Variants in TM9SF2 observed in about 807,000 individuals in gnomAD.
TM9SF2 encodes the protein transmembrane 9 superfamily member 2.
TM9SF2 carries 13 observed loss-of-function variants against 84.9 expected under a neutral mutation model. The observed-to-expected ratio is 0.15, with a 90% CI of 0.10 to 0.24. The LOEUF is 0.24. Among genes scored for constraint, TM9SF2 ranks in the 10% least tolerant of loss-of-function variants. TM9SF2 has a pLI of 1.00. For missense variants in TM9SF2, 562 were observed against 818.5 expected (o/e 0.69, Z 3.82); for synonymous variants, 273 against 285.8 (o/e 0.96, Z 0.45).
intron 3 of TM9SF2, among the ~76,000 whole-genome samples, chr13:99,528,738 A>G (rs2046194988): frequency 2.0e-5 from 3 of 152,212 alleles, no homozygotes; most frequent in South Asian, 4.1e-4. Flanking sequence ...GAATGAAAAC[A>G]TTGGCTGACA....
intron 10 of TM9SF2, among the ~76,000 whole-genome samples, chr13:99,546,567 G>T (rs1160243356): frequency 2.8e-5 from 4 of 142,210 alleles, no homozygotes; most frequent in Admixed American, 7.0e-5. Context: ...AAGGTTTTGG[G>T]TTTTTTTTTT....
intron 7 of TM9SF2, among the ~76,000 whole-genome samples, chr13:99,540,266 C>T (rs1463786638): frequency 6.6e-6 from 1 of 151,736 alleles, no homozygotes; most frequent in Admixed American, 6.6e-5. Context: ...TTTCATTTTG[C>T]AAACCTGGTG....
At chr13:99,517,565 C>A in intron 1 of TM9SF2, 49 bp from the exon 2 acceptor site, 2 of 1,259,400 alleles carry the variant, frequency 1.6e-6, no homozygotes, top group East Asian at 2.5e-5. Context: ...TGACTTAAGG[C>A]TTTGTGTCCT....
chr13:99,558,504 C>G (rs1461435257), intron 15 of TM9SF2, among the ~76,000 whole-genome samples: 2 of 152,202 alleles, frequency 1.3e-5, no homozygotes, highest in African/African-American at 4.8e-5. Flanking sequence ...TCATTTCTTT[C>G]AGCAGAATTT....
intron 1 of TM9SF2, among the ~76,000 whole-genome samples, chr13:99,504,646 T>C (rs892300793): frequency 2.6e-5 from 4 of 152,372 alleles, no homozygotes; most frequent in African/African-American, 9.6e-5. Flanking sequence ...TATCTTATGT[T>C]GAATTTACTG....
intron 16 of TM9SF2, among the ~76,000 whole-genome samples, chr13:99,560,223 G>T (rs1017421684): frequency 1.3e-5 from 2 of 152,130 alleles, no homozygotes; most frequent in Non-Finnish European, 1.5e-5. Context: ...AGCTCCTCAC[G>T]CATGTCATGG....
chr13:99,554,434 T>A lies in TM9SF2; in HGVS notation c.1619T>A (p.Phe540Tyr). Residue 540 changes from phenylalanine (F) to tyrosine (Y), a missense_variant, in exon 14 of 17, where the codon TTC becomes TAC. Phe to Tyr is a conservative substitution (Grantham distance 22, BLOSUM62 3). Around this residue, in one of 4 missense-constraint regions of TM9SF2, gnomAD observed 13 missense variants for 54.6 expected, o/e 0.24. Transcript: ENST00000376387. ...TTTGGCTGCATCTTTATACAACTTT[T>A]CTTCATTCTGAATAGTATTTGGTAA... is the stretch of plus-strand genomic sequence containing the variant. ...LPFGCIFIQL[F>Y]FILNSIWSHQ... The A allele has an allele frequency of 6.2e-7, 1 of 1,614,166 alleles. No individual in the cohort carries two copies. Among genetic ancestry groups the A allele is most frequent in the Non-Finnish European group, 8.5e-7 (1 of 1,179,994 alleles).
intron 3 of TM9SF2, among the ~76,000 whole-genome samples, chr13:99,527,292 C>G (rs2046187899): frequency 6.6e-6 from 1 of 152,118 alleles, no homozygotes; most frequent in Non-Finnish European, 1.5e-5. Flanking sequence ...ATACCAGAGG[C>G]TGGGTAACTT....
intron 4 of TM9SF2, among the ~76,000 whole-genome samples, chr13:99,531,423 T>A (rs1471888685): frequency 6.6e-6 from 1 of 152,200 alleles, no homozygotes; most frequent in African/African-American, 2.4e-5. Flanking sequence ...ACCGTGGATC[T>A]CAGCTGAGAC....
intron 1 of TM9SF2, among the ~76,000 whole-genome samples, chr13:99,513,630 C>A (rs1286892272): frequency 6.6e-6 from 1 of 152,148 alleles, no homozygotes; most frequent in Non-Finnish European, 1.5e-5. Context: ...TGAAAAATAC[C>A]TGGAAAACAG....
chr13:99,520,493 C>T (rs1170398594), intron 3 of TM9SF2, among the ~76,000 whole-genome samples: 1 of 152,156 alleles, frequency 6.6e-6, no homozygotes, highest in African/African-American at 2.4e-5. Flanking sequence ...CCCTGTTTTC[C>T]AGCAGTATCT....
rs747447591 is a variant in TM9SF2, at chr13:99,555,696, G to A, written c.1752+49G>A. 5 of 1,255,988 alleles carry A rather than the reference G, an allele frequency of 4.0e-6. No individual in the cohort carries two copies. The East Asian group carries it at 1.2e-4, about 30-fold the overall frequency. 77.8% of individuals were successfully genotyped at this position (1,255,988 alleles called of 1,614,324 possible). A position where few individuals can be genotyped will look rare whatever the true frequency, so the allele number is the denominator to read the frequency against. On this transcript the variant is annotated intron_variant, in intron 15 of 16. Coordinates refer to ENST00000376387, the MANE Select transcript of TM9SF2 (RefSeq NM_004800.3). Reference sequence around the variant, plus strand: ...ATGTTAATTTGTAGACAGTAACTTTGGCATATTGCAATTTGTATATTATTA... The same window carrying A: ...ATGTTAATTTGTAGACAGTAACTTTAGCATATTGCAATTTGTATATTATTA...
At chr13:99,541,339 A>G (rs2046258788) in intron 8 of TM9SF2, among the ~76,000 whole-genome samples, 1 of 152,236 alleles carries the variant, frequency 6.6e-6, no homozygotes, top group Non-Finnish European at 1.5e-5. Flanking sequence ...CTAGTTCTAA[A>G]CAGACTATGA....
intron 9 of TM9SF2, among the ~76,000 whole-genome samples, chr13:99,542,083 G>A (rs536881439): frequency 2.6e-5 from 4 of 151,882 alleles, no homozygotes; most frequent in East Asian, 3.9e-4. Context: ...CCCAGGAGGC[G>A]GAGGCTGCAG....
intron 1 of TM9SF2, 40 bp from the exon 2 acceptor site, chr13:99,517,574 C>T: frequency 1.5e-6 from 2 of 1,366,496 alleles, no homozygotes; most frequent in African/African-American, 1.5e-5. Flanking sequence ...GCTTTGTGTC[C>T]TGTTGTTTAT....
chr13:99,517,158 G>C (rs1386556970), intron 1 of TM9SF2, among the ~76,000 whole-genome samples: 1 of 152,034 alleles, frequency 6.6e-6, no homozygotes, highest in African/African-American at 2.4e-5. Flanking sequence ...CTGTCACCCA[G>C]GCTGGAGTGC....
rs545071557 is a variant in TM9SF2 at position 99,563,121 on chromosome 13, T to C, written c.*363T>C. The C allele has an allele frequency of 3.7e-5, 6 of 163,084 alleles. 1 individual carries two copies. The South Asian group carries it at 1.0e-3, about 27-fold the overall frequency. 10.1% of individuals were successfully genotyped at this position (163,084 alleles called of 1,614,324 possible). ...GAAAGGCAGGACACTGCATTGTAAA[T>C]AGGATTTTCTAGGCTCGGTAGGCAG... On this transcript the variant is annotated 3_prime_UTR_variant, in exon 17 of 17. Coordinates refer to ENST00000376387, the MANE Select transcript of TM9SF2 (RefSeq NM_004800.3).
chr13:99,559,440 C>T lies in TM9SF2; in HGVS notation c.1830C>T (p.Tyr610=), dbSNP rs778360429. 8.1e-6 allele frequency: 13 copies of T among 1,614,076 alleles called. No individual in the cohort carries two copies. Among genetic ancestry groups the T allele is most frequent in the Non-Finnish European group, 1.1e-5 (13 of 1,179,966 alleles). The change falls in exon 16 of 17, where the codon TAC becomes TAT. Residue 610 remains tyrosine, a synonymous_variant. Coordinates refer to ENST00000376387, the MANE Select transcript of TM9SF2 (RefSeq NM_004800.3). ...AVYFLIYAVH[Y]FFSKLQITGT... ...ATTTCTTAATCTATGCAGTACACTA[C>T]TTCTTTTCAAAACTGCAGATCACGG...
chr13:99,541,917 GGGTGGGCGGATCACCTGA>G (rs1306609113), intron 9 of TM9SF2, among the ~76,000 whole-genome samples: 3 of 151,970 alleles, frequency 2.0e-5, no homozygotes, highest in African/African-American at 7.2e-5. Context: ...TGGGAGGCCG[GGGTGGGCGGATCACCTGA>G]GGTCAGGAGT....
Sources: allele counts gnomAD v4.1 joint callset (sites outside exome capture counted in the v4.1 genomes callset), GRCh38; gene constraint gnomAD v4.1.1; regional missense constraint gnomAD v4.1.1; transcripts MANE v1.5; gene names NCBI Gene and HGNC (gene_info 2026-07-23, HGNC 2026-07-21).